The following CENPI variants were observed in gnomAD, a reference collection of about 807,000 sequenced individuals.
The protein encoded by CENPI is FSH primary response 1.
A neutral mutation model predicts 60.4 loss-of-function variants in CENPI; 4 were observed. The observed-to-expected ratio is 0.07, with a 90% CI of 0.03 to 0.15. The LOEUF (loss-of-function observed/expected upper bound fraction) is 0.15. Ranked by LOEUF, CENPI falls within the 10% of genes least tolerant of loss-of-function variation. CENPI has a pLI of 1.00. For synonymous variants in CENPI, 157 were observed against 189.4 expected (o/e 0.83, Z 1.40); for missense variants, 444 against 534.5 (o/e 0.83, Z 1.67).
intron 8 of CENPI, among the ~76,000 whole-genome samples, chrX:101,125,025 G>A (rs1037197312): frequency 1.8e-5 from 2 of 111,512 alleles, no homozygotes; most frequent in African/African-American, 3.3e-5. Flanking sequence ...CCTGGTATCC[G>A]AGTCCAGCTT....
chrX:101,136,822 TA>T (rs775982114), intron 15 of CENPI, among the ~76,000 whole-genome samples: 1 of 112,383 alleles, frequency 8.9e-6, no homozygotes, highest in Non-Finnish European at 1.9e-5. Flanking sequence ...CATTGCATAA[TA>T]ATTTTCATGT....
Position 101,128,840 on chromosome X carries a change from A to G in CENPI, c.1195+4A>G, listed in dbSNP as rs1602802897. On this transcript the variant is annotated splice_donor_region_variant and intron_variant, in intron 12 of 21. Transcript: ENST00000682095. Reference sequence around the variant, plus strand: ...TTGAGTCAAACATTACAAGAAGGTAAGAATTGAGTGAGGATGGACCAAGAT... The same window carrying G: ...TTGAGTCAAACATTACAAGAAGGTAGGAATTGAGTGAGGATGGACCAAGAT... The G allele has an allele frequency of 1.7e-6, 2 of 1,207,787 alleles. No individual in the cohort carries two copies. The highest frequency in any genetic ancestry group is 2.2e-6 in the Non-Finnish European group (2 of 892,482).
intron 15 of CENPI, among the ~76,000 whole-genome samples, chrX:101,137,797 T>C (rs778641449): frequency 9.7e-6 from 1 of 102,901 alleles, no homozygotes; most frequent in Non-Finnish European, 2.0e-5. Flanking sequence ...GAGGTAGATA[T>C]AGGGCAGTAT....
intron 2 of CENPI, among the ~76,000 whole-genome samples, chrX:101,099,046 T>TTTTCTTTCTTTC (rs3842469): frequency 6.3e-4 from 68 of 108,419 alleles, no homozygotes; most frequent in South Asian, 2.8e-3. Context: ...TTCTTTTCTC[T>TTTTCTTTCTTTC]TTTCTTTCTT....
At chrX:101,158,857 C>CT (rs2090079202) in intron 20 of CENPI, among the ~76,000 whole-genome samples, 2 of 111,106 alleles carry the variant, frequency 1.8e-5, no homozygotes, top group African/African-American at 6.5e-5. Flanking sequence ...TCTTGAACTC[C>CT]TGACCTCAAG....
intron 20 of CENPI, 47 bp downstream of exon 20, chrX:101,148,208 G>A (rs2089978448): frequency 3.0e-6 from 3 of 1,015,106 alleles, no homozygotes; most frequent in Non-Finnish European, 4.1e-6. Context: ...TAATACTGTG[G>A]TGGCAGAAAT....
rs1184611441 is a variant in CENPI, at chrX:101,132,623, C to CT, written c.1470+173dup. 3.6e-5 allele frequency among the ~76,000 whole-genome samples: 4 copies of CT among 111,549 alleles called. No individual in the cohort carries two copies. In the East Asian group the frequency reaches 1.1e-3, roughly 31 times the overall value. On this transcript the variant is annotated intron_variant, in intron 15 of 21. Coordinates refer to ENST00000682095, the MANE Select transcript of CENPI (RefSeq NM_001386188.2). ...CTCAAAGTTAATGCATAGAATGTTC[C>CT]TTTTTTAAGGCTGTGTTGCATACAG... is the stretch of plus-strand genomic sequence containing the variant.
chrX:101,139,283 T>C (rs1422030072), intron 15 of CENPI, among the ~76,000 whole-genome samples: 1 of 91,796 alleles, frequency 1.1e-5, no homozygotes, highest in Non-Finnish European at 2.2e-5. Context: ...TTAGTAGAGA[T>C]GGGGTTTCAC....
At chrX:101,138,894 A>T (rs1167306897) in intron 15 of CENPI, among the ~76,000 whole-genome samples, 1 of 104,863 alleles carries the variant, frequency 9.5e-6, no homozygotes, top group Admixed American at 1.0e-4. Flanking sequence ...CCAAAGTGCT[A>T]GGATTACAGG....
At chrX:101,160,609 C>T (rs1199176903) in intron 20 of CENPI, among the ~76,000 whole-genome samples, 2 of 108,672 alleles carry the variant, frequency 1.8e-5, no homozygotes, top group Non-Finnish European at 3.8e-5. Flanking sequence ...AGGCTGGTCT[C>T]GAACTTTTGA....
rs1052537537 is a variant in CENPI at position 101,099,106 on chromosome X, C to T, written c.-14+567C>T. Among the ~76,000 whole-genome samples the T allele has an allele frequency of 1.4e-4, 16 of 110,355 alleles. 1 individual carries two copies. The highest frequency in any genetic ancestry group is 5.3e-4 in the African/African-American group (16 of 30,284). ...TCTCTCTCCCTCCCTCCCTTTCTTT[C>T]TTTCTTTCCTTTCTTTCTTCTTTCT... is the stretch of plus-strand genomic sequence containing the variant. On this transcript the variant is annotated intron_variant, in intron 2 of 21. Coordinates refer to ENST00000682095, the MANE Select transcript of CENPI (RefSeq NM_001386188.2).
rs2089980759 is a variant in CENPI at position 101,148,510 on chromosome X, A to G, written c.2094+349A>G. On this transcript the variant is annotated intron_variant, in intron 20 of 21. Transcript: ENST00000682095. ...TGCCATGTAAGGAAACGCTTCATAG[A>G]TGTGGAAGCTCTCATAAAATCCTTC... 2.7e-5 allele frequency among the ~76,000 whole-genome samples: 3 copies of G among 112,085 alleles called. No individual in the cohort carries two copies. In the Admixed American group the frequency reaches 2.9e-4, roughly 11 times the overall value.
At chrX:101,123,141 C>G (rs2089697350) in intron 8 of CENPI, among the ~76,000 whole-genome samples, 1 of 111,908 alleles carries the variant, frequency 8.9e-6, no homozygotes, top group African/African-American at 3.2e-5. Context: ...CCAACAATAT[C>G]AAACCAAGAA....
At chrX:101,157,645 G>A (rs1343907776) in intron 20 of CENPI, among the ~76,000 whole-genome samples, 1 of 58,368 alleles carries the variant, frequency 1.7e-5, no homozygotes, top group Non-Finnish European at 2.9e-5. Context: ...GTGAGACCTT[G>A]TCTCAAAAAA....
chrX:101,101,147 C>T lies in CENPI; in HGVS notation c.77C>T (p.Thr26Met). 9 of 1,210,498 alleles carry T rather than the reference C, an allele frequency of 7.4e-6. No individual in the cohort carries two copies. Among genetic ancestry groups the T allele is most frequent in the Admixed American group, 2.2e-5 (1 of 45,944 alleles). Reference sequence around the variant, plus strand: ...CAAGGTAGTAGTAGTTTTCAGACCACGCTTTCAGCCTGGAAAGTAAAACAG... The same window carrying T: ...CAAGGTAGTAGTAGTTTTCAGACCATGCTTTCAGCCTGGAAAGTAAAACAG... ...TSQGSSSFQT[T>M]LSAWKVKQDP... is the part of the protein sequence containing the mutation. Residue 26 changes from threonine to methionine, a missense_variant, in exon 3 of 22, where the codon ACG (threonine) becomes ATG (methionine). By Grantham distance (81) the Thr-to-Met change is moderately conservative (BLOSUM62 -1). Transcript: ENST00000682095.
At chrX:101,124,090 AGTGTGTGTGTGTGTGT>A (rs397842781) in intron 8 of CENPI, among the ~76,000 whole-genome samples, 12 of 88,273 alleles carry the variant, frequency 1.4e-4, no homozygotes, top group East Asian at 3.9e-4. Context: ...TATAGAATCA[AGTGTGTGTGTGTGTGT>A]GTGTGTGTGT....
At chrX:101,158,045 C>T (rs1311045278) in intron 20 of CENPI, among the ~76,000 whole-genome samples, 2 of 111,457 alleles carry the variant, frequency 1.8e-5, no homozygotes, top group Non-Finnish European at 3.8e-5. Flanking sequence ...TGCATGAGAA[C>T]ATGCAATGTT....
At chrX:101,102,581 G>A (rs1463549923) in intron 4 of CENPI, among the ~76,000 whole-genome samples, 170 bp downstream of exon 4, 6 of 107,065 alleles carry the variant, frequency 5.6e-5, no homozygotes, top group Non-Finnish European at 9.6e-5. Context: ...GGTTGGTCTC[G>A]AACTCCTAGA....
At chrX:101,115,089 G>A (rs769101838) in intron 6 of CENPI, among the ~76,000 whole-genome samples, 98 of 108,665 alleles carry the variant, frequency 9.0e-4, no homozygotes, top group Non-Finnish European at 1.4e-3. Context: ...TCAGCCTCCC[G>A]AGTAGCTGTG....
Sources: gnomAD v4.1 joint callset for allele counts (sites outside exome capture counted in the v4.1 genomes callset) on GRCh38, gnomAD v4.1.1 for gene constraint, MANE v1.5 for transcripts, NCBI Gene and HGNC (gene_info 2026-07-23, HGNC 2026-07-21) for gene names.